Variants in ST6GALNAC3 observed in about 807,000 individuals in gnomAD.
The protein encoded by ST6GALNAC3 is alpha-N-acetylgalactosaminide alpha-2,6-sialyltransferase 3.
In ST6GALNAC3, 25 loss-of-function variants were observed where a neutral mutation model predicts 32.7. The ratio of observed to expected loss-of-function variants is 0.76; its 90% confidence interval spans 0.56 to 1.07. ST6GALNAC3 has a LOEUF of 1.07. Ranked by LOEUF, ST6GALNAC3 falls within the 50% of genes least tolerant of loss-of-function variation. The pLI, the probability that ST6GALNAC3 is intolerant of heterozygous loss-of-function variation, is 0.00. For synonymous variants in ST6GALNAC3, 129 were observed against 133.1 expected, an observed-to-expected ratio of 0.97 and a Z score of 0.21; for missense variants, 355 against 382.4, an observed-to-expected ratio of 0.93 and a Z score of 0.60.
At chr1:76,117,328 T>C (rs960252151) in intron 1 of ST6GALNAC3, among the ~76,000 whole-genome samples, 1 of 152,206 alleles carries the variant, frequency 6.6e-6, no homozygotes, top group Non-Finnish European at 1.5e-5. Flanking sequence ...AATGTAAATG[T>C]GATGAAAGGG....
intron 3 of ST6GALNAC3, chr1:76,577,103 G>A (rs544421764): frequency 1.8e-6 from 2 of 1,086,088 alleles, no homozygotes; most frequent in East Asian, 6.8e-5. Flanking sequence ...TAAAAAGGAA[G>A]GGAAATTGTG....
intron 1 of ST6GALNAC3, among the ~76,000 whole-genome samples, chr1:76,108,841 G>A (rs1288088072): frequency 1.3e-5 from 2 of 149,306 alleles, no homozygotes; most frequent in East Asian, 2.0e-4. Flanking sequence ...AGTGCAATGA[G>A]TTCTGAAATC....
At position 76,313,909 on chromosome 1, in the gene ST6GALNAC3, A is replaced by G. The variant is rs116021414; in HGVS notation, c.123A>G (p.Gly41=). ...TCCCATTGCTACTAAACTGCTTTGG[A>G]CAACCTGGTACAAAGTGGATACCAT... is the stretch of plus-strand genomic sequence containing the variant. ...VNFPLLLNCF[G]QPGTKWIPFS... is the part of the protein sequence containing the mutation. Residue 41 remains glycine (G), a synonymous_variant, in exon 2 of 5, where the codon GGA becomes GGG. Coordinates refer to ENST00000328299, the MANE Select transcript of ST6GALNAC3 (RefSeq NM_152996.4). The G allele has an allele frequency of 6.6e-5, 107 of 1,613,640 alleles. No individual in the cohort carries two copies. The African/African-American group carries it at 1.3e-3, about 20-fold the overall frequency.
rs560839959 is a variant in ST6GALNAC3, at chr1:76,112,247, A to AC, written c.18+37370dup. Among the ~76,000 whole-genome samples the AC allele has an allele frequency of 7.3e-4, 99 of 134,976 alleles. 4 individuals are homozygous for AC. Among genetic ancestry groups the AC allele is most frequent in the African/African-American group, 2.7e-3 (90 of 33,290 alleles). The allele number at this position is 134,976 out of a possible 152,430, so 88.5% of individuals were successfully genotyped here. A position where few individuals can be genotyped will look rare whatever the true frequency, so the allele number is the denominator to read the frequency against. On this transcript the variant is annotated intron_variant, in intron 1 of 4. Transcript: ENST00000328299. Reference sequence around the variant, plus strand: ...GGGCGGCTGGCCGGGCGGGGGGCTGACCCCCCCACCTCCTTCCTGGACAGG... The same window carrying AC: ...GGGCGGCTGGCCGGGCGGGGGGCTGACCCCCCCCACCTCCTTCCTGGACAGG...
intron 3 of ST6GALNAC3, among the ~76,000 whole-genome samples, chr1:76,464,105 C>A (rs1296736080): frequency 6.6e-6 from 1 of 152,106 alleles, no homozygotes; most frequent in Non-Finnish European, 1.5e-5. Context: ...ATACCCTCAC[C>A]ACAAACTCCT....
intron 1 of ST6GALNAC3, among the ~76,000 whole-genome samples, chr1:76,278,944 G>A (rs1240544724): frequency 1.3e-5 from 2 of 152,208 alleles, no homozygotes; most frequent in African/African-American, 4.8e-5. Context: ...AATTTTCTAA[G>A]CATTTGAGTA....
chr1:76,511,398 C>T (rs971485134), intron 3 of ST6GALNAC3, among the ~76,000 whole-genome samples: 7 of 152,156 alleles, frequency 4.6e-5, no homozygotes, highest in African/African-American at 1.7e-4. Context: ...TGTTTCAGGC[C>T]CATGGACCTG....
At chr1:76,498,360 C>T (rs1660983079) in intron 3 of ST6GALNAC3, among the ~76,000 whole-genome samples, 1 of 152,134 alleles carries the variant, frequency 6.6e-6, no homozygotes, top group African/African-American at 2.4e-5. Flanking sequence ...GGAGTGAGTA[C>T]ATAGGTAATT....
rs1358206624 is a variant in ST6GALNAC3, at chr1:76,412,174, T to C, written c.380T>C (p.Val127Ala). The C allele has an allele frequency of 6.2e-7, 1 of 1,613,634 alleles. No individual in the cohort carries two copies. The highest frequency in any genetic ancestry group is 8.5e-7 in the Non-Finnish European group (1 of 1,179,760). The change falls in exon 3 of 5, where the codon GTT becomes GCT. Residue 127 changes from valine (V) to alanine (A), a missense_variant. Transcript: ENST00000328299. Reference protein sequence around the residue: ...EDVGRMTMIRVVSHTSVPLLL... With the variant: ...EDVGRMTMIRAVSHTSVPLLL... ...GTCGGCCGCATGACCATGATTCGAG[T>C]TGTGTCCCATACCAGCGTTCCTCTT...
At chr1:76,341,364 G>A (rs761624246) in intron 2 of ST6GALNAC3, among the ~76,000 whole-genome samples, 2 of 151,944 alleles carry the variant, frequency 1.3e-5, no homozygotes, top group Non-Finnish European at 2.9e-5. Context: ...AGCTTCATCC[G>A]TATTGTTGCA....
chr1:76,508,093 TC>T (rs777123619), intron 3 of ST6GALNAC3, among the ~76,000 whole-genome samples: 1 of 152,170 alleles, frequency 6.6e-6, no homozygotes, highest in Non-Finnish European at 1.5e-5. Flanking sequence ...ACTAGTAGAC[TC>T]GCCTTAGATC....
chr1:76,537,626 A>G (rs1663700271), intron 3 of ST6GALNAC3, among the ~76,000 whole-genome samples: 1 of 152,146 alleles, frequency 6.6e-6, no homozygotes, highest in African/African-American at 2.4e-5. Context: ...AATATTGTGT[A>G]CCATCATTTT....
intron 3 of ST6GALNAC3, among the ~76,000 whole-genome samples, chr1:76,486,860 G>A (rs372607091): frequency 0.038 from 5,837 of 152,182 alleles, 371 homozygotes; most frequent in African/African-American, 0.13. Flanking sequence ...GCAGTGGCTC[G>A]TACCGGTTGT....
At chr1:76,095,461 GC>G (rs746808947) in intron 1 of ST6GALNAC3, among the ~76,000 whole-genome samples, 2 of 152,090 alleles carry the variant, frequency 1.3e-5, no homozygotes, top group African/African-American at 4.8e-5. Flanking sequence ...TTAATTCACT[GC>G]CAGAATGCAG....
At chr1:76,351,713 A>T (rs1430253367) in intron 2 of ST6GALNAC3, among the ~76,000 whole-genome samples, 9 of 152,142 alleles carry the variant, frequency 5.9e-5, no homozygotes, top group Admixed American at 4.6e-4. Context: ...GTTGCCTGGC[A>T]TATTCTGGTA....
At chr1:76,449,887 T>A (rs1657265612) in intron 3 of ST6GALNAC3, among the ~76,000 whole-genome samples, 2 of 152,320 alleles carry the variant, frequency 1.3e-5, no homozygotes, top group South Asian at 4.1e-4. Context: ...TCTTCAGTGG[T>A]GATATCTAAG....
At chr1:76,352,841 A>C (rs927057652) in intron 2 of ST6GALNAC3, among the ~76,000 whole-genome samples, 5 of 151,940 alleles carry the variant, frequency 3.3e-5, no homozygotes, top group Non-Finnish European at 5.9e-5. Flanking sequence ...TAAGTCAAAA[A>C]CCTAAGATGC....
Position 76,484,014 on chromosome 1 carries a change from C to T in ST6GALNAC3, c.623+71597C>T, listed in dbSNP as rs577457826. Among the ~76,000 whole-genome samples, 12 of 152,156 alleles carry T rather than the reference C, an allele frequency of 7.9e-5. No homozygotes were observed. The South Asian group carries it at 2.3e-3, about 29-fold the overall frequency. ...CATTTCTTGTTTTTGTCAGGTTTGTCAAAGATCAGATGGTTGTAAATGTGT... is the reference window on the plus strand; with the variant it reads ...CATTTCTTGTTTTTGTCAGGTTTGTTAAAGATCAGATGGTTGTAAATGTGT... On this transcript the variant is annotated intron_variant, in intron 3 of 4. Transcript: ENST00000328299.
At chr1:76,564,740 C>T (rs1007309780) in intron 3 of ST6GALNAC3, among the ~76,000 whole-genome samples, 3 of 152,076 alleles carry the variant, frequency 2.0e-5, no homozygotes, top group Admixed American at 1.3e-4. Flanking sequence ...CGCCCACCAC[C>T]ACGCCTGGCT....
Sources: allele counts gnomAD v4.1 joint callset (sites outside exome capture counted in the v4.1 genomes callset), GRCh38; gene constraint gnomAD v4.1.1; transcripts MANE v1.5; gene names NCBI Gene and HGNC (gene_info 2026-07-23, HGNC 2026-07-21).